The following NEK7 variants were observed in gnomAD, a reference collection of about 807,000 sequenced individuals.
NEK7 encodes the protein NIMA related kinase 7.
In NEK7, 18 loss-of-function variants were observed where a neutral mutation model predicts 44.6. That is an observed-to-expected ratio of 0.40 (90% confidence interval 0.28 to 0.60). The LOEUF is 0.60. Among genes scored for constraint, NEK7 ranks in the 20% least tolerant of loss-of-function variants. The pLI, the probability that NEK7 is intolerant of heterozygous loss-of-function variation, is 0.38. For synonymous variants in NEK7, 130 were observed against 121.1 expected, an observed-to-expected ratio of 1.07 and a Z score of -0.48; for missense variants, 256 against 366.5, an observed-to-expected ratio of 0.70 and a Z score of 2.46.
In NEK7 at chr1:198,319,820, G is replaced by T. The variant is rs1655485045; in HGVS notation, c.*298G>T. 2 of 221,358 alleles carry T rather than the reference G, an allele frequency of 9.0e-6. No homozygotes were observed. The highest frequency in any genetic ancestry group is 1.0e-4 in the Admixed American group (2 of 19,152). The allele number at this position is 221,358 out of a possible 1,614,324, so 13.7% of individuals were successfully genotyped here. ...GTTTTCTGCTGATAAATTGTGTTTA[G>T]ATAGACTGTCAGTGCCAAATATTGA... On this transcript the variant is annotated 3_prime_UTR_variant, in exon 10 of 10. Transcript: ENST00000367385.
At chr1:198,281,592 G>T (rs1452890029) in intron 7 of NEK7, among the ~76,000 whole-genome samples, 2 of 151,918 alleles carry the variant, frequency 1.3e-5, no homozygotes, top group African/African-American at 4.8e-5. Flanking sequence ...GTATTTTCAG[G>T]AATTTAATTT....
At chr1:198,243,797 TACATTTG>T (rs1235829852) in intron 2 of NEK7, among the ~76,000 whole-genome samples, 1 of 152,150 alleles carries the variant, frequency 6.6e-6, no homozygotes, top group Non-Finnish European at 1.5e-5. Context: ...AGGAATAGGT[TACATTTG>T]ACATTTGACA....
intron 8 of NEK7, among the ~76,000 whole-genome samples, chr1:198,293,831 G>T (rs1409119444): frequency 6.6e-6 from 1 of 151,820 alleles, no homozygotes; most frequent in Non-Finnish European, 1.5e-5. Flanking sequence ...GTGAGGAAAT[G>T]TAATACATGG....
chr1:198,168,487 A>C (rs889320872), intron 1 of NEK7, among the ~76,000 whole-genome samples: 2 of 152,136 alleles, frequency 1.3e-5, no homozygotes, highest in African/African-American at 2.4e-5. Flanking sequence ...GTATTTGCAT[A>C]TGCATTTTGA....
At chr1:198,312,187 A>G (rs889455740) in intron 9 of NEK7, among the ~76,000 whole-genome samples, 3 of 151,918 alleles carry the variant, frequency 2.0e-5, no homozygotes, top group African/African-American at 7.3e-5. Context: ...GTGTCAAGGA[A>G]TTTATCCATT....
chr1:198,208,517 CA>C (rs1052280807), intron 1 of NEK7: 1 of 152,208 alleles, frequency 6.6e-6, no homozygotes, highest in African/African-American at 2.4e-5. Flanking sequence ...GCTGGGACCA[CA>C]GGCACCTGCC....
chr1:198,292,197 T>A (rs1654580113), intron 7 of NEK7, among the ~76,000 whole-genome samples: 1 of 152,012 alleles, frequency 6.6e-6, no homozygotes, highest in Non-Finnish European at 1.5e-5. Flanking sequence ...ATATATGCTT[T>A]TGTTTATTTT....
intron 1 of NEK7, among the ~76,000 whole-genome samples, chr1:198,216,574 G>A (rs182829053): frequency 1.0e-3 from 158 of 151,546 alleles, no homozygotes; most frequent in Non-Finnish European, 1.1e-3. Flanking sequence ...AAGAAGTAAC[G>A]AAGATCAGGG....
intron 1 of NEK7, among the ~76,000 whole-genome samples, chr1:198,191,934 T>G (rs1488849374): frequency 6.6e-6 from 1 of 152,080 alleles, no homozygotes; most frequent in East Asian, 1.9e-4. Context: ...TCTCAAAGAT[T>G]TTTCCTGCAT....
At chr1:198,162,585 T>C (rs1330895862) in intron 1 of NEK7, among the ~76,000 whole-genome samples, 1 of 152,122 alleles carries the variant, frequency 6.6e-6, no homozygotes, top group Non-Finnish European at 1.5e-5. Flanking sequence ...TACTTCTCTA[T>C]TCTTAGGACC....
At chr1:198,203,228 A>C (rs1408532238) in intron 1 of NEK7, among the ~76,000 whole-genome samples, 1 of 152,222 alleles carries the variant, frequency 6.6e-6, no homozygotes, top group African/African-American at 2.4e-5. Context: ...ATATTGGCTT[A>C]GGGCTGCATT....
chr1:198,264,089 T>G (rs1433465327), intron 4 of NEK7, 36 bp from the exon 5 acceptor site: 1 of 1,563,314 alleles, frequency 6.4e-7, no homozygotes, highest in South Asian at 1.2e-5. Flanking sequence ...ATATTTACAG[T>G]AAGAAAACTT....
chr1:198,197,813 T>G, intron 1 of NEK7: 2 of 762,684 alleles, frequency 2.6e-6, no homozygotes, highest in Admixed American at 3.5e-5. Flanking sequence ...GGAGGAGGAA[T>G]GCTTGCCATG....
intron 1 of NEK7, among the ~76,000 whole-genome samples, chr1:198,205,614 G>C (rs1321071364): frequency 6.6e-6 from 1 of 151,932 alleles, no homozygotes; most frequent in Non-Finnish European, 1.5e-5. Context: ...CAGATTTAAT[G>C]TGTAATTAAT....
intron 2 of NEK7, 56 bp downstream of exon 2, chr1:198,232,693 G>C: frequency 1.0e-6 from 1 of 969,048 alleles, no homozygotes; most frequent in South Asian, 1.4e-5. Flanking sequence ...TTAAATATGT[G>C]TAAGAAAGTA....
intron 1 of NEK7, among the ~76,000 whole-genome samples, chr1:198,169,890 A>G (rs1300200952): frequency 6.6e-6 from 1 of 152,184 alleles, no homozygotes; most frequent in Non-Finnish European, 1.5e-5. Flanking sequence ...TGTTTTCTGT[A>G]GGGCCTAGGA....
At chr1:198,226,528 C>T (rs1252432037) in intron 1 of NEK7, among the ~76,000 whole-genome samples, 1 of 150,152 alleles carries the variant, frequency 6.7e-6, no homozygotes, top group African/African-American at 2.5e-5. Flanking sequence ...CTGGGCGACA[C>T]AGCGATATTG....
chr1:198,251,519 G>T (rs1268976686), intron 2 of NEK7, among the ~76,000 whole-genome samples: 1 of 151,722 alleles, frequency 6.6e-6, no homozygotes, highest in Non-Finnish European at 1.5e-5. Context: ...ACTCTTTTTG[G>T]TTGGTAAGCT....
chr1:198,310,441 A>C (rs1655144748), intron 9 of NEK7, among the ~76,000 whole-genome samples: 1 of 148,738 alleles, frequency 6.7e-6, no homozygotes, highest in South Asian at 2.2e-4. Flanking sequence ...GAAGCTCTTT[A>C]GTTTAATTAG....
Sources: gnomAD v4.1 joint callset for allele counts (sites outside exome capture counted in the v4.1 genomes callset) on GRCh38, gnomAD v4.1.1 for gene constraint, MANE v1.5 for transcripts, NCBI Gene and HGNC (gene_info 2026-07-23, HGNC 2026-07-21) for gene names.